ARHGAP10: variants seen among roughly 807,000 people sequenced by gnomAD.
ARHGAP10 encodes the protein rho GTPase-activating protein 10.
A neutral mutation model predicts 108.6 loss-of-function variants in ARHGAP10; 87 were observed. The ratio of observed to expected loss-of-function variants is 0.80; its 90% confidence interval spans 0.67 to 0.96. The LOEUF is 0.96. Ranked by LOEUF, ARHGAP10 falls within the 40% of genes least tolerant of loss-of-function variation. The probability of loss-of-function intolerance (pLI) is 0.00; values close to 1 mark genes in which losing one functional copy is unlikely to be tolerated. For missense variants in ARHGAP10, 939 were observed against 954.5 expected, an observed-to-expected ratio of 0.98 and a Z score of 0.21; for synonymous variants, 347 against 341.1, an observed-to-expected ratio of 1.02 and a Z score of -0.19.
chr4:147,806,857 C>T (rs1579068224), intron 1 of ARHGAP10, among the ~76,000 whole-genome samples: 1 of 152,118 alleles, frequency 6.6e-6, no homozygotes, highest in African/African-American at 2.4e-5. Flanking sequence ...GTATGCCATC[C>T]TGCCCAGCTA....
chr4:147,793,824 C>T (rs979467412), intron 1 of ARHGAP10, among the ~76,000 whole-genome samples: 1 of 152,204 alleles, frequency 6.6e-6, no homozygotes, highest in East Asian at 1.9e-4. Context: ...TACATTGATA[C>T]GTATTTGTGG....
intron 1 of ARHGAP10, among the ~76,000 whole-genome samples, chr4:147,756,426 C>T (rs933998913): frequency 3.9e-5 from 6 of 152,202 alleles, no homozygotes; most frequent in African/African-American, 1.2e-4. Context: ...CCATTAACTT[C>T]AGTTAATCAG....
At chr4:148,044,647 C>G (rs995165316) in intron 19 of ARHGAP10, among the ~76,000 whole-genome samples, 1 of 152,124 alleles carries the variant, frequency 6.6e-6, no homozygotes, top group East Asian at 1.9e-4. Context: ...TGAGGGGAGT[C>G]ATTGCTCATG....
intron 1 of ARHGAP10, among the ~76,000 whole-genome samples, chr4:147,773,491 G>C (rs2126721051): frequency 6.6e-6 from 1 of 152,308 alleles, no homozygotes; most frequent in South Asian, 2.1e-4. Flanking sequence ...TTGGGAAACA[G>C]TGTTATGTTT....
chr4:147,791,802 C>A (rs893566445), intron 1 of ARHGAP10, among the ~76,000 whole-genome samples: 1 of 152,232 alleles, frequency 6.6e-6, no homozygotes, highest in African/African-American at 2.4e-5. Flanking sequence ...CCAGGCTCGT[C>A]TCGAACTCCT....
At chr4:147,848,898 A>T (rs147132255) in intron 4 of ARHGAP10, among the ~76,000 whole-genome samples, 63 of 152,360 alleles carry the variant, frequency 4.1e-4, no homozygotes, top group Middle Eastern at 3.4e-3. Flanking sequence ...AGAAATGGTT[A>T]CAATAGTTTA....
intron 13 of ARHGAP10, among the ~76,000 whole-genome samples, chr4:147,931,889 A>C (rs1006444860): frequency 2.0e-5 from 3 of 152,238 alleles, no homozygotes; most frequent in African/African-American, 7.2e-5. Context: ...GCAAACAGAC[A>C]TCCTACAGAA....
chr4:147,893,456 C>T (rs1173316051), intron 10 of ARHGAP10, among the ~76,000 whole-genome samples: 1 of 141,608 alleles, frequency 7.1e-6, no homozygotes, highest in Non-Finnish European at 1.5e-5. Context: ...ATTATTCTCT[C>T]TATATATAAT....
intron 3 of ARHGAP10, among the ~76,000 whole-genome samples, chr4:147,828,043 T>C (rs1732792501): frequency 6.6e-6 from 1 of 152,218 alleles, no homozygotes; most frequent in Admixed American, 6.5e-5. Context: ...GACCTTGTGA[T>C]CTGCCCGCCT....
At chr4:147,781,009 T>C (rs1395297629) in intron 1 of ARHGAP10, among the ~76,000 whole-genome samples, 4 of 152,064 alleles carry the variant, frequency 2.6e-5, no homozygotes, top group Non-Finnish European at 4.4e-5. Flanking sequence ...TTGCATTTGA[T>C]GGTGGGAAAC....
intron 18 of ARHGAP10, among the ~76,000 whole-genome samples, chr4:148,007,795 C>T (rs1461422307): frequency 6.6e-6 from 1 of 152,218 alleles, no homozygotes; most frequent in Admixed American, 6.5e-5. Context: ...TCCTCTTCCA[C>T]TTGATATGGT....
At chr4:147,828,223 C>T (rs555759956) in intron 3 of ARHGAP10, among the ~76,000 whole-genome samples, 2 of 152,252 alleles carry the variant, frequency 1.3e-5, no homozygotes, top group South Asian at 4.1e-4. Context: ...AATGTTAAAA[C>T]TACATATGTC....
chr4:147,822,109 A>ACT (rs1732523405), intron 1 of ARHGAP10, among the ~76,000 whole-genome samples: 1 of 152,192 alleles, frequency 6.6e-6, no homozygotes, highest in Admixed American at 6.5e-5. Flanking sequence ...TCCACTATTA[A>ACT]TCTCCAATTA....
chr4:148,071,670 T>C (rs1730188579), intron 22 of ARHGAP10, among the ~76,000 whole-genome samples: 1 of 152,086 alleles, frequency 6.6e-6, no homozygotes, highest in Non-Finnish European at 1.5e-5. Flanking sequence ...GAGTTTGACT[T>C]TAAGCAGGGG....
chr4:147,881,749 C>G (rs1293900004), intron 9 of ARHGAP10, 89 bp from the exon 10 acceptor site: 1 of 1,139,148 alleles, frequency 8.8e-7, no homozygotes, highest in African/African-American at 1.6e-5. Flanking sequence ...GATCTTGAAC[C>G]TTGCTCCCCT....
intron 1 of ARHGAP10, among the ~76,000 whole-genome samples, chr4:147,776,401 G>A (rs2126724474): frequency 6.6e-6 from 1 of 152,230 alleles, no homozygotes; most frequent in South Asian, 2.1e-4. Context: ...TGTATTTTTA[G>A]TAGAGATGTG....
At chr4:147,790,755 C>T (rs1021218667) in intron 1 of ARHGAP10, among the ~76,000 whole-genome samples, 1 of 152,104 alleles carries the variant, frequency 6.6e-6, no homozygotes, top group African/African-American at 2.4e-5. Context: ...TCCTTCTGGT[C>T]GTGTCTTTCC....
chr4:147,948,400 A>G (rs1343703125), intron 15 of ARHGAP10, among the ~76,000 whole-genome samples: 1 of 152,150 alleles, frequency 6.6e-6, no homozygotes, highest in East Asian at 1.9e-4. Flanking sequence ...TGTCTTCAAA[A>G]AGTCTTTTCA....
chr4:147,800,049 G>C (rs748902912), intron 1 of ARHGAP10, among the ~76,000 whole-genome samples: 1 of 152,154 alleles, frequency 6.6e-6, no homozygotes, highest in Non-Finnish European at 1.5e-5. Flanking sequence ...TTAACTTTCA[G>C]AGCCTTTGTG....
Sources: allele counts gnomAD v4.1 joint callset (sites outside exome capture counted in the v4.1 genomes callset), GRCh38; gene constraint gnomAD v4.1.1; transcripts MANE v1.5; gene names NCBI Gene and HGNC (gene_info 2026-07-23, HGNC 2026-07-21).